IGFL2: variants seen among roughly 807,000 people sequenced by gnomAD.
IGFL2 encodes the protein IGF like family member 2.
Under a neutral mutation model 13.9 loss-of-function variants are expected in IGFL2, and 7 were observed. The ratio of observed to expected loss-of-function variants is 0.51; its 90% confidence interval spans 0.29 to 0.95. The LOEUF (loss-of-function observed/expected upper bound fraction) is 0.95. Among genes scored for constraint, IGFL2 ranks in the 40% least tolerant of loss-of-function variants. IGFL2 has a pLI of 0.08. For synonymous variants in IGFL2, 55 were observed against 55.8 expected, an observed-to-expected ratio of 0.99 and a Z score of 0.07; for missense variants, 138 against 147.8, an observed-to-expected ratio of 0.93 and a Z score of 0.34.
At chr19:46,185,107 T>C in the IGFL2 span, among the ~76,000 whole-genome samples, 2 of 152,360 alleles carry the variant, frequency 1.3e-5, no homozygotes, top group Non-Finnish European at 1.5e-5. Flanking sequence ...TGGTTTTTTT[T>C]CTTGTAAATT....
chr19:46,204,338 C>G, the IGFL2 span: 1 of 152,398 alleles, frequency 6.6e-6, no homozygotes, highest in South Asian at 2.1e-4. Flanking sequence ...GGTTGCTGGG[C>G]TGAGACAGGG....
At chr19:46,188,918 A>C in the IGFL2 span, among the ~76,000 whole-genome samples, 1 of 152,238 alleles carries the variant, frequency 6.6e-6, no homozygotes, top group African/African-American at 2.4e-5. Context: ...AGTCTTCCAC[A>C]GTGGGATAGA....
the IGFL2 span, among the ~76,000 whole-genome samples, chr19:46,187,859 C>T: frequency 7.0e-6 from 1 of 142,850 alleles, no homozygotes; most frequent in Non-Finnish European, 1.5e-5. Flanking sequence ...GAGCATTAAC[C>T]CGTTTAAACC....
At chr19:46,138,020 A>G in the IGFL2 span, among the ~76,000 whole-genome samples, 25 of 152,098 alleles carry the variant, frequency 1.6e-4, no homozygotes, top group African/African-American at 4.8e-4. Flanking sequence ...TCTGTCTGTT[A>G]TTTCAGCCAT....
chr19:46,109,031 C>A, the IGFL2 span, among the ~76,000 whole-genome samples: 1 of 152,196 alleles, frequency 6.6e-6, no homozygotes, highest in Admixed American at 6.5e-5. Flanking sequence ...AGGGTGAGGA[C>A]AGGGGACTGG....
the IGFL2 span, chr19:46,111,133 G>A: frequency 6.6e-6 from 1 of 152,594 alleles, no homozygotes; most frequent in Non-Finnish European, 1.5e-5. Flanking sequence ...TTTTGTTATA[G>A]CCAGAACATT....
At chr19:46,199,194 G>A in the IGFL2 span, among the ~76,000 whole-genome samples, 1 of 152,248 alleles carries the variant, frequency 6.6e-6, no homozygotes, top group Non-Finnish European at 1.5e-5. Context: ...GCCTGTGTCT[G>A]TGACCAGCAG....
the IGFL2 span, chr19:46,137,496 T>C: frequency 8.7e-7 from 1 of 1,152,638 alleles, no homozygotes; most frequent in South Asian, 1.2e-5. Context: ...TTGCCCCTTC[T>C]CCTTCTCTTG....
the IGFL2 span, among the ~76,000 whole-genome samples, chr19:46,210,787 C>T: frequency 6.6e-6 from 1 of 152,368 alleles, no homozygotes; most frequent in African/African-American, 2.4e-5. Flanking sequence ...AACACCCCTA[C>T]AGACACACCC....
chr19:46,192,444 G>A, the IGFL2 span, among the ~76,000 whole-genome samples: 1 of 149,386 alleles, frequency 6.7e-6, no homozygotes, highest in Admixed American at 6.7e-5. Flanking sequence ...TTTTGAAATG[G>A]AGTCTCGCTC....
chr19:46,179,183 GAGGC>G, the IGFL2 span, among the ~76,000 whole-genome samples: 1 of 151,650 alleles, frequency 6.6e-6, no homozygotes, highest in East Asian at 1.9e-4. Flanking sequence ...GAGTCTGTGA[GAGGC>G]AGGACTGCAG....
At chr19:46,168,007 T>C in the IGFL2 span, among the ~76,000 whole-genome samples, 2 of 152,252 alleles carry the variant, frequency 1.3e-5, no homozygotes, top group African/African-American at 2.4e-5. Flanking sequence ...CCTACTATGA[T>C]ATCTTAATAT....
chr19:46,180,875 T>G, the IGFL2 span, among the ~76,000 whole-genome samples: 1 of 152,190 alleles, frequency 6.6e-6, no homozygotes, highest in East Asian at 1.9e-4. Flanking sequence ...ACTCAGCAAG[T>G]TGACTCATTC....
the IGFL2 span, among the ~76,000 whole-genome samples, chr19:46,089,270 T>C: frequency 3.3e-5 from 5 of 152,342 alleles, no homozygotes; most frequent in African/African-American, 9.6e-5. Flanking sequence ...TCTACACTTT[T>C]ACTGCTCTGC....
the IGFL2 span, among the ~76,000 whole-genome samples, chr19:46,081,043 G>A: frequency 0.013 from 2,047 of 152,304 alleles, 32 homozygotes; most frequent in Middle Eastern, 0.027. Context: ...CAATTGGCCA[G>A]TTATCTTGTG....
At chr19:46,206,795 C>T in the IGFL2 span, 2 of 152,174 alleles carry the variant, frequency 1.3e-5, no homozygotes, top group African/African-American at 4.8e-5. Flanking sequence ...GATCACTGCT[C>T]TACCCTGCAG....
chr19:46,149,005 G>T (rs1260540116), intron 1 of IGFL2: 2 of 1,604,206 alleles, frequency 1.2e-6, no homozygotes, highest in African/African-American at 2.7e-5. Flanking sequence ...AGTGTCTCAG[G>T]CATGAGGACC....
downstream of IGFL2, among the ~76,000 whole-genome samples, chr19:46,165,736 C>G (rs957265240): frequency 1.3e-5 from 2 of 152,210 alleles, no homozygotes; most frequent in Non-Finnish European, 2.9e-5. Context: ...GTCATCCAGC[C>G]ATCCACTGAT....
chr19:46,112,677 T>C, the IGFL2 span, among the ~76,000 whole-genome samples: 1 of 152,314 alleles, frequency 6.6e-6, no homozygotes, highest in Non-Finnish European at 1.5e-5. Flanking sequence ...GAGAATAGAT[T>C]TTCTAATAGC....
Sources: gnomAD v4.1 joint callset for allele counts (sites outside exome capture counted in the v4.1 genomes callset) on GRCh38, gnomAD v4.1.1 for gene constraint, MANE v1.5 for transcripts, NCBI Gene and HGNC (gene_info 2026-07-23, HGNC 2026-07-21) for gene names.